Variants in PBX1 observed in about 807,000 individuals in gnomAD.
PBX1 encodes the protein pre-B-cell leukemia transcription factor 1.
In PBX1, 6 loss-of-function variants were observed where a neutral mutation model predicts 53.4. That is an observed-to-expected ratio of 0.11 (90% CI 0.06 to 0.22). PBX1 has a LOEUF of 0.22. Ranked by LOEUF, PBX1 falls within the 10% of genes least tolerant of loss-of-function variation. The pLI is 1.00. For synonymous variants in PBX1, 204 were observed against 212.3 expected (o/e 0.96, Z 0.34); for missense variants, 251 against 551.4 (o/e 0.46, Z 5.46).
intron 2 of PBX1, among the ~76,000 whole-genome samples, chr1:164,877,449 G>A (rs1672541572): frequency 6.6e-6 from 1 of 152,108 alleles, no homozygotes; most frequent in Non-Finnish European, 1.5e-5. Flanking sequence ...GATCACTTGA[G>A]GTCAGGAATT....
intron 2 of PBX1, among the ~76,000 whole-genome samples, chr1:164,863,492 G>A (rs961103042): frequency 2.0e-5 from 3 of 152,012 alleles, no homozygotes; most frequent in African/African-American, 7.2e-5. Flanking sequence ...GTCTAGTGGG[G>A]GTATCTAATA....
At chr1:164,641,716 C>T (rs1285521583) in intron 2 of PBX1, 3 of 152,194 alleles carry the variant, frequency 2.0e-5, no homozygotes, top group African/African-American at 7.2e-5. Context: ...TTAAGAATTC[C>T]AGATTTTATT....
chr1:164,599,469 G>A (rs1406561331), intron 2 of PBX1, among the ~76,000 whole-genome samples: 6 of 151,934 alleles, frequency 3.9e-5, no homozygotes, highest in African/African-American at 1.2e-4. Context: ...TTTTGCCAGC[G>A]GCCTCTTCTT....
intron 2 of PBX1, among the ~76,000 whole-genome samples, chr1:164,595,766 G>A (rs1326002843): frequency 6.6e-6 from 1 of 152,106 alleles, no homozygotes; most frequent in Non-Finnish European, 1.5e-5. Context: ...CAGGATGAAA[G>A]GTGCTCTAAA....
intron 2 of PBX1, among the ~76,000 whole-genome samples, chr1:164,689,193 T>C (rs1183172755): frequency 6.6e-6 from 1 of 152,226 alleles, no homozygotes; most frequent in Non-Finnish European, 1.5e-5. Flanking sequence ...TTGTTTATCC[T>C]CATGAAATAT....
chr1:164,690,719 A>T (rs894591534), intron 2 of PBX1, among the ~76,000 whole-genome samples: 7 of 151,648 alleles, frequency 4.6e-5, no homozygotes, highest in African/African-American at 1.7e-4. Context: ...TTTTGTTTTC[A>T]TATCACACCA....
chr1:164,847,182 A>T lies in PBX1; in HGVS notation c.*506A>T. On this transcript the variant is annotated 3_prime_UTR_variant, in exon 9 of 9. Transcript: ENST00000420696. ...ATTACTCTCACTACCTCTTAGCAGG[A>T]ATACTCCACATTGCCCTATTCATTC... is the stretch of plus-strand genomic sequence containing the variant. 19 of 1,083,654 alleles carry T rather than the reference A, an allele frequency of 1.8e-5. No individual in the cohort carries two copies. Among genetic ancestry groups the T allele is most frequent in the Non-Finnish European group, 2.1e-5 (19 of 888,316 alleles). The allele number at this position is 1,083,654 out of a possible 1,614,324, so 67.1% of individuals were successfully genotyped here. A position where few individuals can be genotyped will look rare whatever the true frequency, so the allele number is the denominator to read the frequency against.
At position 164,799,824 on chromosome 1, in the gene PBX1, G is replaced by A; in HGVS notation, c.636G>A (p.Gln212=). The change falls in exon 4 of 9, where the codon CAG becomes CAA. Residue 212 remains glutamine, a synonymous_variant. Coordinates refer to ENST00000420696, the MANE Select transcript of PBX1 (RefSeq NM_002585.4). ...SIIHRKFSSI[Q]MQLKQSTCEA... is the part of the protein sequence containing the mutation. ...TCCACCGCAAGTTCAGCTCCATCCA[G>A]ATGCAGCTCAAGCAGAGCACGTGCG... 6.2e-7 allele frequency: 1 copy of A among 1,614,108 alleles called. No homozygotes were observed. Among genetic ancestry groups the A allele is most frequent in the Non-Finnish European group, 8.5e-7 (1 of 1,179,990 alleles).
chr1:164,832,515 C>T (rs1213875094), intron 8 of PBX1, among the ~76,000 whole-genome samples: 3 of 152,038 alleles, frequency 2.0e-5, no homozygotes, highest in Non-Finnish European at 2.9e-5. Flanking sequence ...ATGTGTGGTA[C>T]TCATTATAAC....
chr1:164,635,025 T>G (rs1658660257), intron 2 of PBX1, among the ~76,000 whole-genome samples: 1 of 151,056 alleles, frequency 6.6e-6, no homozygotes. Context: ...TGTACCTTCT[T>G]TCCTTATTCT....
chr1:164,596,454 C>G (rs1655766686), intron 2 of PBX1, among the ~76,000 whole-genome samples: 1 of 152,222 alleles, frequency 6.6e-6, no homozygotes, highest in Non-Finnish European at 1.5e-5. Flanking sequence ...GTGGTTCTAA[C>G]CATGGGTGAT....
chr1:164,602,521 A>T (rs777845468), intron 2 of PBX1, among the ~76,000 whole-genome samples: 104 of 152,180 alleles, frequency 6.8e-4, no homozygotes, highest in Non-Finnish European at 1.3e-3. Flanking sequence ...TTAGCTATAC[A>T]TGTTTCCACC....
chr1:164,613,676 A>C (rs1282952022), intron 2 of PBX1, among the ~76,000 whole-genome samples: 1 of 152,198 alleles, frequency 6.6e-6, no homozygotes, highest in African/African-American at 2.4e-5. Context: ...GTCATGCTCC[A>C]TGTTTTTAAC....
At chr1:164,686,734 G>A (rs537066177) in intron 2 of PBX1, among the ~76,000 whole-genome samples, 11 of 152,136 alleles carry the variant, frequency 7.2e-5, no homozygotes, top group East Asian at 5.8e-4. Flanking sequence ...TGAGGCGGGC[G>A]GATCACGAGG....
chr1:164,607,857 C>T (rs1206741202), intron 2 of PBX1, among the ~76,000 whole-genome samples: 2 of 152,102 alleles, frequency 1.3e-5, no homozygotes, highest in Non-Finnish European at 2.9e-5. Context: ...TAGGTTCATC[C>T]GCATCATTAG....
At chr1:164,883,811 C>T (rs1392763307) in intron 2 of PBX1, among the ~76,000 whole-genome samples, 1 of 152,134 alleles carries the variant, frequency 6.6e-6, no homozygotes, top group Admixed American at 6.6e-5. Context: ...CTTAGATGCA[C>T]TATTAACTTT....
At chr1:164,669,687 A>G (rs1661009752) in intron 2 of PBX1, among the ~76,000 whole-genome samples, 1 of 152,120 alleles carries the variant, frequency 6.6e-6, no homozygotes, top group South Asian at 2.1e-4. Flanking sequence ...TCATACTCCT[A>G]GGGAGTTCAC....
At chr1:164,852,294 GGC>G (rs1671872014), downstream of PBX1, among the ~76,000 whole-genome samples, 2 of 152,318 alleles carry the variant, frequency 1.3e-5, no homozygotes, top group African/African-American at 4.8e-5. Flanking sequence ...CCCAGTTGTA[GGC>G]TCTCAGGAGT....
At chr1:164,735,846 A>G (rs1042954228) in intron 2 of PBX1, among the ~76,000 whole-genome samples, 3 of 152,180 alleles carry the variant, frequency 2.0e-5, no homozygotes, top group Non-Finnish European at 2.9e-5. Flanking sequence ...AGTATTATCT[A>G]TGGTGAGGGA....
Sources: gnomAD v4.1 joint callset for allele counts (sites outside exome capture counted in the v4.1 genomes callset) on GRCh38, gnomAD v4.1.1 for gene constraint, MANE v1.5 for transcripts, NCBI Gene and HGNC (gene_info 2026-07-23, HGNC 2026-07-21) for gene names.